Variants in C8orf34 observed in about 807,000 individuals in gnomAD.
C8orf34 encodes the protein chromosome 8 open reading frame 34.
Under a neutral mutation model 68.3 loss-of-function variants are expected in C8orf34, and 65 were observed. The observed-to-expected ratio is 0.95, with a 90% CI of 0.78 to 1.17. The LOEUF (loss-of-function observed/expected upper bound fraction) is 1.17, where lower values mean the gene tolerates loss of function less well. Among genes scored for constraint, C8orf34 ranks in the 50% most tolerant of loss-of-function variants. The pLI is 0.00. For missense variants in C8orf34, 664 were observed against 655.4 expected (o/e 1.01, Z -0.14); for synonymous variants, 244 against 241.2 (o/e 1.01, Z -0.11).
chr8:68,500,614 G>A (rs1813724610), intron 5 of C8orf34, among the ~76,000 whole-genome samples: 1 of 151,854 alleles, frequency 6.6e-6, no homozygotes, highest in Non-Finnish European at 1.5e-5. Context: ...ATGTAAAGAA[G>A]AGAACCCTCA....
chr8:68,707,294 G>C (rs773035468), intron 8 of C8orf34, among the ~76,000 whole-genome samples: 1 of 152,104 alleles, frequency 6.6e-6, no homozygotes, highest in Admixed American at 6.6e-5. Flanking sequence ...GGAGGGCACC[G>C]TGTGGACAAG....
intron 4 of C8orf34, among the ~76,000 whole-genome samples, chr8:68,487,069 C>A (rs912883725): frequency 6.6e-6 from 1 of 152,094 alleles, no homozygotes; most frequent in Non-Finnish European, 1.5e-5. Flanking sequence ...TTTAGTCTGA[C>A]AAGTTGATAA....
intron 4 of C8orf34, among the ~76,000 whole-genome samples, chr8:68,480,974 A>G (rs4737910): frequency 0.71 from 107,088 of 151,676 alleles, 38,777 homozygotes; most frequent in East Asian, 0.88. Flanking sequence ...GTAGCCAGGA[A>G]CCTAATGTTA....
chr8:68,435,382 G>A (rs1586135910), intron 1 of C8orf34, among the ~76,000 whole-genome samples: 2 of 152,024 alleles, frequency 1.3e-5, no homozygotes, highest in African/African-American at 4.8e-5. Context: ...GGGCCACAGA[G>A]GACATGGAAA....
chr8:68,763,399 T>C (rs2129528101), intron 10 of C8orf34, among the ~76,000 whole-genome samples: 1 of 152,372 alleles, frequency 6.6e-6, no homozygotes, highest in South Asian at 2.1e-4. Context: ...CTGATGGGTC[T>C]GACAGTGTCT....
intron 1 of C8orf34, among the ~76,000 whole-genome samples, chr8:68,412,555 A>T (rs555750958): frequency 2.1e-4 from 32 of 152,252 alleles, no homozygotes; most frequent in South Asian, 2.1e-3. Flanking sequence ...TTAACTCTGA[A>T]TTATTGCCCT....
intron 7 of C8orf34, among the ~76,000 whole-genome samples, chr8:68,614,560 G>T (rs1185668358): frequency 2.0e-5 from 3 of 152,078 alleles, no homozygotes; most frequent in African/African-American, 4.8e-5. Flanking sequence ...TTTCCCCATT[G>T]CTTGTTTTTC....
intron 1 of C8orf34, among the ~76,000 whole-genome samples, chr8:68,337,653 T>C (rs371650608): frequency 4.6e-5 from 7 of 152,308 alleles, no homozygotes; most frequent in Admixed American, 3.3e-4. Context: ...TTACTAAAAA[T>C]AATTTTAAAG....
Position 68,686,414 on chromosome 8 carries a change from C to T in C8orf34, c.1242-22580C>T, listed in dbSNP as rs116342674. Among the ~76,000 whole-genome samples, 700 of 152,058 alleles carry T rather than the reference C, an allele frequency of 4.6e-3. 3 individuals are homozygous for T. The highest frequency in any genetic ancestry group is 0.017 in the Middle Eastern group (5 of 294). On this transcript the variant is annotated intron_variant, in intron 8 of 13. Transcript: ENST00000518698. ...TACCAACTAACCAAATCCAAGAGCA[C>T]ATAAAAAAGGCAATACATCATGATC... is the stretch of plus-strand genomic sequence containing the variant.
intron 7 of C8orf34, among the ~76,000 whole-genome samples, chr8:68,574,192 T>C (rs550594840): frequency 6.6e-5 from 10 of 152,220 alleles, no homozygotes; most frequent in African/African-American, 2.4e-4. Context: ...AACATCTGTA[T>C]ACATATGTAA....
At chr8:68,483,579 A>G (rs1043508350) in intron 4 of C8orf34, among the ~76,000 whole-genome samples, 5 of 152,186 alleles carry the variant, frequency 3.3e-5, no homozygotes, top group African/African-American at 4.8e-5. Context: ...ACCTGCTCTT[A>G]AACAAGGAAT....
intron 7 of C8orf34, among the ~76,000 whole-genome samples, chr8:68,554,964 C>T (rs906519001): frequency 6.6e-6 from 1 of 152,060 alleles, no homozygotes; most frequent in Non-Finnish European, 1.5e-5. Flanking sequence ...TATTTGGTAG[C>T]TTTACTCTGT....
intron 8 of C8orf34, among the ~76,000 whole-genome samples, chr8:68,669,389 A>C (rs1563597867): frequency 1.3e-5 from 2 of 152,178 alleles, no homozygotes; most frequent in African/African-American, 4.8e-5. Flanking sequence ...AAGAACAAAA[A>C]TGGTTAAGCA....
intron 4 of C8orf34, among the ~76,000 whole-genome samples, chr8:68,476,606 C>T (rs375558411): frequency 1.6e-4 from 24 of 152,182 alleles, no homozygotes; most frequent in African/African-American, 5.3e-4. Context: ...AGGGAAAGGG[C>T]GAGTTGGGTT....
intron 1 of C8orf34, among the ~76,000 whole-genome samples, chr8:68,332,525 G>T (rs1184568424): frequency 6.6e-6 from 1 of 152,088 alleles, no homozygotes; most frequent in East Asian, 1.9e-4. Flanking sequence ...CTGCACTGGA[G>T]ATCGCGGAAA....
chr8:68,803,164 C>T (rs910009744), intron 12 of C8orf34, among the ~76,000 whole-genome samples: 2 of 151,990 alleles, frequency 1.3e-5, no homozygotes, highest in Non-Finnish European at 2.9e-5. Flanking sequence ...TAGCTAACCT[C>T]GATTCCAATA....
chr8:68,369,963 T>G (rs568693208), intron 1 of C8orf34, among the ~76,000 whole-genome samples: 11 of 152,306 alleles, frequency 7.2e-5, no homozygotes, highest in African/African-American at 2.4e-4. Context: ...CTTTATGGGT[T>G]GTCCAGGACA....
Position 68,816,556 on chromosome 8 carries a change from G to C in C8orf34, c.1609+611G>C, listed in dbSNP as rs113457058. 1.9e-3 allele frequency among the ~76,000 whole-genome samples: 294 copies of C among 152,170 alleles called. 2 individuals carry two copies. The highest frequency in any genetic ancestry group is 6.0e-3 in the African/African-American group (248 of 41,534). ...CCAGCTACTCCTTCCCTAATTTAAT[G>C]CTAGCCTTTTCTCTGCAATACCCCT... On this transcript the variant is annotated intron_variant, in intron 13 of 13. Coordinates refer to ENST00000518698, the MANE Select transcript of C8orf34 (RefSeq NM_052958.4).
At chr8:68,476,540 A>G (rs372032033) in intron 4 of C8orf34, among the ~76,000 whole-genome samples, 1 of 152,314 alleles carries the variant, frequency 6.6e-6, no homozygotes, top group East Asian at 1.9e-4. Flanking sequence ...TGCTGATACC[A>G]GTTTGCAAAC....
Sources: gnomAD v4.1 joint callset for allele counts (sites outside exome capture counted in the v4.1 genomes callset) on GRCh38, gnomAD v4.1.1 for gene constraint, MANE v1.5 for transcripts, NCBI Gene and HGNC (gene_info 2026-07-23, HGNC 2026-07-21) for gene names.